Variants in ZNF700 observed in about 807,000 individuals in gnomAD.
The protein encoded by ZNF700 is zinc finger protein 700.
ZNF700 carries 38 observed loss-of-function variants against 65.3 expected under a neutral mutation model. The ratio of observed to expected loss-of-function variants is 0.58; its 90% CI spans 0.45 to 0.76. The LOEUF (loss-of-function observed/expected upper bound fraction) is 0.76, where lower values mean the gene tolerates loss of function less well. Ranked by LOEUF, ZNF700 falls within the 30% of genes least tolerant of loss-of-function variation. The pLI is 0.00. For missense variants in ZNF700, 857 were observed against 888.4 expected, an observed-to-expected ratio of 0.96 and a Z score of 0.45; for synonymous variants, 285 against 290.4, an observed-to-expected ratio of 0.98 and a Z score of 0.19.
intron 3 of ZNF700, among the ~76,000 whole-genome samples, chr19:11,947,797 T>G (rs934058600): frequency 6.6e-6 from 1 of 152,180 alleles, no homozygotes. Context: ...CTTGAGGCCA[T>G]CAGTTCCAGA....
At chr19:11,947,865 A>G (rs1189427935) in intron 3 of ZNF700, among the ~76,000 whole-genome samples, 1 of 152,108 alleles carries the variant, frequency 6.6e-6, no homozygotes, top group Non-Finnish European at 1.5e-5. Context: ...TTAGCTGGGC[A>G]TTGTGGTGTG....
rs1174206788 is a variant in ZNF700, at chr19:11,950,181, G to C, written c.2157G>C (p.Leu719Phe). Residue 719 changes from leucine (L) to phenylalanine (F), a missense_variant, in exon 4 of 4, where the codon TTG becomes TTC. Coordinates refer to ENST00000254321, the MANE Select transcript of ZNF700 (RefSeq NM_144566.3). ...CGKAFNYFSS[L>F]HIHARTHMGE... ...AAGCATTCAATTATTTTTCTTCCTTGCATATACACGCAAGGACTCATATGG... is the reference window on the plus strand; with the variant it reads ...AAGCATTCAATTATTTTTCTTCCTTCCATATACACGCAAGGACTCATATGG... 1 of 1,613,824 alleles carries C rather than the reference G, an allele frequency of 6.2e-7. No individual in the cohort carries two copies. Among genetic ancestry groups the C allele is most frequent in the Admixed American group, 1.7e-5 (1 of 59,940 alleles).
chr19:11,943,783 T>C (rs958787710), intron 1 of ZNF700, among the ~76,000 whole-genome samples: 3 of 152,230 alleles, frequency 2.0e-5, no homozygotes, highest in African/African-American at 7.2e-5. Context: ...GGAAAATCAG[T>C]TGAAGTCCTT....
At chr19:11,938,475 A>AT (rs1972831601) in intron 1 of ZNF700, among the ~76,000 whole-genome samples, 1 of 152,090 alleles carries the variant, frequency 6.6e-6, no homozygotes, top group Non-Finnish European at 1.5e-5. Context: ...ATGAGTGAGA[A>AT]TATGCGGTGT....
intron 1 of ZNF700, among the ~76,000 whole-genome samples, chr19:11,942,053 TC>T (rs1480341543): frequency 1.3e-5 from 2 of 152,102 alleles, no homozygotes; most frequent in East Asian, 3.9e-4. Flanking sequence ...CTTAGGAATG[TC>T]CCCTTTCCTT....
At position 11,948,561 on chromosome 19, in the gene ZNF700, A is replaced by T; in HGVS notation, c.537A>T (p.Pro179=). 2 of 1,608,320 alleles carry T rather than the reference A, an allele frequency of 1.2e-6. No individual in the cohort carries two copies. Among genetic ancestry groups the T allele is most frequent in the South Asian group, 2.2e-5 (2 of 89,710 alleles). The change falls in exon 4 of 4, where the codon CCA becomes CCT. Residue 179 remains proline (P), a synonymous_variant. Transcript: ENST00000254321. The stretch of plus-strand genomic sequence containing the variant: ...ATAAGAAAGCCTTCAGGTATCGCCC[A>T]TCCATTAGAACACAAGAAAGGGATC... ...PKNKKAFRYR[P]SIRTQERDHT...
chr19:11,935,239 T>TG (rs1266096341), intron 1 of ZNF700, among the ~76,000 whole-genome samples: 2 of 139,534 alleles, frequency 1.4e-5, no homozygotes, highest in East Asian at 4.2e-4. Flanking sequence ...TCTTGTTTTT[T>TG]TTTTTTTTTT....
At chr19:11,934,588 G>A (rs1460574790) in intron 1 of ZNF700, among the ~76,000 whole-genome samples, 1 of 147,418 alleles carries the variant, frequency 6.8e-6, no homozygotes, top group Non-Finnish European at 1.5e-5. Context: ...GTGCAATGGC[G>A]CAATCTCAGC....
intron 1 of ZNF700, among the ~76,000 whole-genome samples, chr19:11,945,762 T>C (rs1169716797): frequency 6.6e-6 from 1 of 152,034 alleles, no homozygotes; most frequent in East Asian, 1.9e-4. Flanking sequence ...TCCGGGTAAC[T>C]TTAGCTGTAA....
intron 1 of ZNF700, among the ~76,000 whole-genome samples, chr19:11,941,264 G>T (rs545092244): frequency 3.9e-5 from 6 of 152,392 alleles, no homozygotes; most frequent in African/African-American, 1.4e-4. Flanking sequence ...GCTGCAGGTG[G>T]AGCTGCCTGC....
At chr19:11,935,694 T>C (rs937654079) in intron 1 of ZNF700, among the ~76,000 whole-genome samples, 5 of 152,154 alleles carry the variant, frequency 3.3e-5, no homozygotes, top group African/African-American at 1.2e-4. Flanking sequence ...AAACAGACAG[T>C]TTTACTTTGT....
intron 1 of ZNF700, among the ~76,000 whole-genome samples, chr19:11,940,940 A>G (rs279252): frequency 0.16 from 24,497 of 151,624 alleles, 4,081 homozygotes; most frequent in African/African-American, 0.43. Context: ...CCTGAGCTAG[A>G]CACAGGGTGC....
chr19:11,950,558 C>CA lies in ZNF700; in HGVS notation c.*306dup, dbSNP rs1973051768. 3.5e-6 allele frequency: 2 copies of CA among 572,978 alleles called. No individual in the cohort carries two copies. The highest frequency in any genetic ancestry group is 6.6e-6 in the Non-Finnish European group (2 of 303,240). 35.5% of individuals were successfully genotyped at this position (572,978 alleles called of 1,614,324 possible). ...AATGTAAGCAATGTGGGAAAGCCTT[C>CA]AGATGTGCCTCGCACCTTCAACGGC... On this transcript the variant is annotated 3_prime_UTR_variant, in exon 4 of 4. Coordinates refer to ENST00000254321, the MANE Select transcript of ZNF700 (RefSeq NM_144566.3).
intron 1 of ZNF700, among the ~76,000 whole-genome samples, chr19:11,939,684 C>T (rs940654020): frequency 3.9e-5 from 6 of 152,192 alleles, no homozygotes; most frequent in African/African-American, 1.4e-4. Flanking sequence ...AGGTCTCAAA[C>T]TGCTGACCTC....
chr19:11,947,947 C>T (rs769676778), intron 3 of ZNF700, among the ~76,000 whole-genome samples: 2 of 152,212 alleles, frequency 1.3e-5, no homozygotes, highest in Non-Finnish European at 2.9e-5. Flanking sequence ...GAGTTAAAGG[C>T]TGCAGTAAGC....
chr19:11,948,483 A>C lies in ZNF700; in HGVS notation c.459A>C (p.Ala153=). ...TCAGAGGTGACACTGGACACAAGGC[A>C]TATGAGTATCAGGAATATGGACCAA... ...MSIRGDTGHK[A]YEYQEYGPKP... is the part of the protein sequence containing the mutation. Residue 153 remains alanine, a synonymous_variant, in exon 4 of 4, where the codon GCA becomes GCC. Coordinates refer to ENST00000254321, the MANE Select transcript of ZNF700 (RefSeq NM_144566.3). The C allele has an allele frequency of 6.2e-7, 1 of 1,614,156 alleles. No homozygotes were observed. The highest frequency in any genetic ancestry group is 8.5e-7 in the Non-Finnish European group (1 of 1,180,010).
intron 1 of ZNF700, among the ~76,000 whole-genome samples, chr19:11,942,389 CA>C (rs1419974119): frequency 1.3e-5 from 2 of 151,980 alleles, no homozygotes; most frequent in African/African-American, 4.8e-5. Flanking sequence ...TCCGTTATGA[CA>C]GGTGCTACAG....
intron 1 of ZNF700, among the ~76,000 whole-genome samples, chr19:11,933,781 C>T (rs1972748469): frequency 6.9e-6 from 1 of 144,764 alleles, no homozygotes; most frequent in Non-Finnish European, 1.5e-5. Context: ...GGAGGCGGAG[C>T]TTGCAGTGAG....
In ZNF700 at chr19:11,947,556, A is replaced by C. The variant is rs763674956; in HGVS notation, c.233A>C (p.Asn78Thr). The change falls in exon 3 of 4, where the codon AAC becomes ACC. Residue 78 changes from asparagine (N) to threonine (T), a missense_variant. By Grantham distance (65) the Asn-to-Thr change is moderately conservative. Around this residue, in one of 3 missense-constraint regions of ZNF700, gnomAD observed 603 missense variants for 619.9 expected, o/e 0.97. Coordinates refer to ENST00000254321, the MANE Select transcript of ZNF700 (RefSeq NM_144566.3). ...SDQNIEYEYQNPRRSFRSLIE... is the reference protein window; with the variant it reads ...SDQNIEYEYQTPRRSFRSLIE... The stretch of plus-strand genomic sequence containing the variant: ...CAGAACATTGAATATGAGTACCAAA[A>C]CCCCAGAAGAAGCTTCAGGTAATTT... 1 of 1,613,528 alleles carries C rather than the reference A, an allele frequency of 6.2e-7. No homozygotes were observed. The highest frequency in any genetic ancestry group is 8.5e-7 in the Non-Finnish European group (1 of 1,179,910).
Sources: allele counts gnomAD v4.1 joint callset (sites outside exome capture counted in the v4.1 genomes callset), GRCh38; gene constraint gnomAD v4.1.1; regional missense constraint gnomAD v4.1.1; transcripts MANE v1.5; gene names NCBI Gene and HGNC (gene_info 2026-07-23, HGNC 2026-07-21).